The following MYH9 variants were observed in gnomAD, a reference collection of about 807,000 sequenced individuals.
The protein encoded by MYH9 is myosin-9.
Under a neutral mutation model 241.9 loss-of-function variants are expected in MYH9, and 29 were observed. The observed-to-expected ratio is 0.12, with a 90% confidence interval of 0.09 to 0.16. The LOEUF (loss-of-function observed/expected upper bound fraction) is 0.16, where lower values mean the gene tolerates loss of function less well. MYH9 is among the 10% of genes least tolerant of loss of function. The pLI is 1.00. For missense variants in MYH9, 1,803 were observed against 2,595.5 expected (o/e 0.69, Z 6.63); for synonymous variants, 1,047 against 1,062.6 (o/e 0.99, Z 0.29).
At chr22:36,386,184 A>G (rs926800819) in intron 1 of MYH9, among the ~76,000 whole-genome samples, 1 of 151,450 alleles carries the variant, frequency 6.6e-6, no homozygotes, top group Non-Finnish European at 1.5e-5. Context: ...TCTCTACCTC[A>G]CGTTAGACTC....
At chr22:36,375,403 A>G (rs1900412778) in intron 1 of MYH9, among the ~76,000 whole-genome samples, 1 of 152,248 alleles carries the variant, frequency 6.6e-6, no homozygotes, top group African/African-American at 2.4e-5. Flanking sequence ...CCAAGGCATC[A>G]ATGCTGACCT....
At position 36,292,010 on chromosome 22, in the gene MYH9, C is replaced by T. The variant is rs745608442; in HGVS notation, c.4320G>A (p.Glu1440=). Residue 1440 remains glutamate (E), a synonymous_variant, in exon 31 of 41, where the codon GAG becomes GAA. Coordinates refer to ENST00000216181, the MANE Select transcript of MYH9 (RefSeq NM_002473.6). The part of the protein sequence containing the change: ...DHQRQSACNL[E]KKQKKFDQLL... The stretch of plus-strand genomic sequence containing the variant: ...CCTGGTCAAACTTCTTCTGCTTCTT[C>T]TCCAGGTTGCACGCGCTCTGGCGCT... The T allele has an allele frequency of 1.2e-6, 2 of 1,614,246 alleles. No individual in the cohort carries two copies. The highest frequency in any genetic ancestry group is 1.7e-6 in the Non-Finnish European group (2 of 1,180,048).
chr22:36,320,975 C>T lies in MYH9; in HGVS notation c.770-79G>A, dbSNP rs2017241468. On this transcript the variant is annotated intron_variant, in intron 7 of 40. Coordinates refer to ENST00000216181, the MANE Select transcript of MYH9 (RefSeq NM_002473.6). The surrounding 1 kb of genome is among the most constrained non-coding windows in gnomAD (Gnocchi z 4.8). Reference sequence around the variant, plus strand: ...TTCCTCATTTTTTTTTTTTTGGAGACAGAGTCTCGCTCTGTCACCCAGGTT... The same window carrying T: ...TTCCTCATTTTTTTTTTTTTGGAGATAGAGTCTCGCTCTGTCACCCAGGTT... 4.3e-6 allele frequency: 5 copies of T among 1,161,848 alleles called. No individual in the cohort carries two copies. The highest frequency in any genetic ancestry group is 6.2e-6 in the Non-Finnish European group (5 of 800,280). 72.0% of individuals were successfully genotyped at this position (1,161,848 alleles called of 1,614,324 possible).
In MYH9 at chr22:36,312,115, G is replaced by C. The variant is rs1229851662; in HGVS notation, c.1662C>G (p.Pro554=). 14 of 1,614,062 alleles carry C rather than the reference G, an allele frequency of 8.7e-6. No homozygotes were observed. The Admixed American group carries it at 2.3e-4, about 27-fold the overall frequency. ...TCAGCTGCTTGGGCTTCTGGAACTTGGGGTGGGTGCCCTGCTCCTGCATCA... is the reference window on the plus strand; with the variant it reads ...TCAGCTGCTTGGGCTTCTGGAACTTCGGGTGGGTGCCCTGCTCCTGCATCA... ...EKVMQEQGTH[P]KFQKPKQLKD... is the part of the protein sequence containing the mutation. Residue 554 remains proline (P), a synonymous_variant, in exon 14 of 41, where the codon CCC becomes CCG. Transcript: ENST00000216181.
chr22:36,367,358 C>G (rs2146412604), intron 1 of MYH9, among the ~76,000 whole-genome samples: 1 of 152,238 alleles, frequency 6.6e-6, no homozygotes, highest in East Asian at 1.9e-4. Flanking sequence ...GGTGAACGGT[C>G]TCTCCTCCCG....
intron 1 of MYH9, among the ~76,000 whole-genome samples, chr22:36,361,246 C>G (rs1603484298): frequency 6.6e-6 from 1 of 152,302 alleles, no homozygotes; most frequent in East Asian, 1.9e-4. Flanking sequence ...TATTCCAACC[C>G]AAGCCTGTGT....
chr22:36,367,563 C>T (rs962378867), intron 1 of MYH9, among the ~76,000 whole-genome samples: 2 of 152,168 alleles, frequency 1.3e-5, no homozygotes, highest in South Asian at 2.1e-4. Context: ...ATTAACTTAC[C>T]GCTCCTAGAC....
intron 27 of MYH9, 89 bp downstream of exon 27, chr22:36,294,843 T>C: frequency 6.4e-7 from 1 of 1,574,296 alleles, no homozygotes; most frequent in Non-Finnish European, 8.6e-7. Context: ...GGTAGAACCC[T>C]GCAACTGCTC....
intron 1 of MYH9, among the ~76,000 whole-genome samples, chr22:36,376,660 C>T (rs948318270): frequency 6.6e-6 from 1 of 152,206 alleles, no homozygotes; most frequent in Non-Finnish European, 1.5e-5. Context: ...CCCCTACCAC[C>T]ACCTTTCTCC....
chr22:36,356,875 C>T (rs1204356610), intron 1 of MYH9, among the ~76,000 whole-genome samples: 1 of 152,216 alleles, frequency 6.6e-6, no homozygotes, highest in Non-Finnish European at 1.5e-5. Context: ...GAATCCAACA[C>T]CCAAACGCAG....
chr22:36,382,560 T>C (rs939986424), intron 1 of MYH9, among the ~76,000 whole-genome samples: 4 of 151,842 alleles, frequency 2.6e-5, no homozygotes, highest in Admixed American at 6.6e-5. Context: ...CCCAGCACTT[T>C]GGGAGGCCAA....
chr22:36,384,604 AAAAAAAAATATATATATATATATATAT>A (rs2018313101), intron 1 of MYH9, among the ~76,000 whole-genome samples: 3 of 40,390 alleles, frequency 7.4e-5, no homozygotes, highest in Non-Finnish European at 1.0e-4. Flanking sequence ...AAAAAAAAAA[AAAAAAAAATATATATATATATATATAT>A]ATATATATAT....
rs1003182610 is a variant in MYH9, at chr22:36,288,547, A to G, written c.4771-134T>C. The G allele has an allele frequency of 2.9e-6, 4 of 1,371,260 alleles. No homozygotes were observed. The African/African-American group carries it at 4.3e-5, about 15-fold the overall frequency. The allele number at this position is 1,371,260 out of a possible 1,614,324, so 84.9% of individuals were successfully genotyped here. A position where few individuals can be genotyped will look rare whatever the true frequency, so the allele number is the denominator to read the frequency against. On this transcript the variant is annotated intron_variant, in intron 33 of 40. Coordinates refer to ENST00000216181, the MANE Select transcript of MYH9 (RefSeq NM_002473.6). This position sits in a 1 kb window ranked among gnomAD's most constrained non-coding sequence, Gnocchi z 4.8. ...GGGAAACCAGTGGGGATTACTGACCATAAGAACTCTAAGAAAGTGAGTCAC... is the reference window on the plus strand; with the variant it reads ...GGGAAACCAGTGGGGATTACTGACCGTAAGAACTCTAAGAAAGTGAGTCAC...
intron 1 of MYH9, among the ~76,000 whole-genome samples, chr22:36,350,486 G>A (rs886293105): frequency 5.3e-5 from 8 of 152,192 alleles, no homozygotes; most frequent in South Asian, 2.1e-4. Flanking sequence ...GTGGTGAGCC[G>A]AGATTGTGCC....
chr22:36,292,353 C>T, intron 30 of MYH9, 119 bp from the exon 31 acceptor site: 1 of 1,399,426 alleles, frequency 7.1e-7, no homozygotes, highest in Non-Finnish European at 1.0e-6. Flanking sequence ...CAGGGATCTG[C>T]CCAGTTATGA....
chr22:36,370,894 T>G (rs540925748), intron 1 of MYH9, among the ~76,000 whole-genome samples: 1 of 152,294 alleles, frequency 6.6e-6, no homozygotes, highest in East Asian at 1.9e-4. Context: ...GCATTGATAC[T>G]TATCGGGAGT....
chr22:36,319,937 A>C, intron 9 of MYH9: 1 of 606,348 alleles, frequency 1.6e-6, no homozygotes, highest in South Asian at 1.9e-5. Context: ...ACAGGACGTG[A>C]ATATTCTACT....
Position 36,296,846 on chromosome 22 carries a change from G to A in MYH9, c.3269C>T (p.Ala1090Val). 1.2e-6 allele frequency: 2 copies of A among 1,608,818 alleles called. No homozygotes were observed. Among genetic ancestry groups the A allele is most frequent in the Non-Finnish European group, 8.5e-7 (1 of 1,178,508 alleles). ...GGCGGGCAGGCGGGGTCCTCACCTG[G>A]CCAGGGCGGCCTGGAGCTCCTCCTC... ...KKEEELQAAL[A>V]RVEEEAAQKN... Residue 1090 changes from alanine to valine, a missense_variant, in exon 25 of 41, where the codon GCC becomes GTC. By Grantham distance (64) the Ala-to-Val change is moderately conservative. Coordinates refer to ENST00000216181, the MANE Select transcript of MYH9 (RefSeq NM_002473.6).
At chr22:36,377,332 T>G (rs2018184571) in intron 1 of MYH9, among the ~76,000 whole-genome samples, 1 of 152,122 alleles carries the variant, frequency 6.6e-6, no homozygotes. Context: ...CTCAGTGACT[T>G]AATGTGAAAC....
Sources: allele counts gnomAD v4.1 joint callset (sites outside exome capture counted in the v4.1 genomes callset), GRCh38; gene constraint gnomAD v4.1.1; non-coding constraint Gnocchi (gnomAD v3.1); transcripts MANE v1.5; gene names NCBI Gene and HGNC (gene_info 2026-07-23, HGNC 2026-07-21).